Variants in DPY19L2 observed in about 807,000 individuals in gnomAD.
DPY19L2 encodes probable C-mannosyltransferase DPY19L2.
Under a neutral mutation model 97.9 loss-of-function variants are expected in DPY19L2, and 34 were observed. The ratio of observed to expected loss-of-function variants is 0.35; its 90% CI spans 0.26 to 0.46. DPY19L2 has a LOEUF of 0.46. DPY19L2 is among the 20% of genes least tolerant of loss of function. The pLI is 1.00. For missense variants in DPY19L2, 623 were observed against 911.4 expected, an observed-to-expected ratio of 0.68 and a Z score of 4.07; for synonymous variants, 230 against 307.9, an observed-to-expected ratio of 0.75 and a Z score of 2.65.
rs189656009 is a variant in DPY19L2 at position 63,573,496 on chromosome 12, G to A, written c.1901-2639C>T. Among the ~76,000 whole-genome samples, 40 of 152,192 alleles carry A rather than the reference G, an allele frequency of 2.6e-4. 1 individual carries two copies. Among genetic ancestry groups the A allele is most frequent in the Admixed American group, 7.9e-4 (12 of 15,286 alleles). ...TCTAAGAGTTATTGGCCTTAAAGAG[G>A]AGGTAGAGAGAGACAGCAGTAGGAA... On this transcript the variant is annotated intron_variant, in intron 19 of 21. Coordinates refer to ENST00000324472, the MANE Select transcript of DPY19L2 (RefSeq NM_173812.5).
At chr12:63,659,995 A>G (rs1471883652) in intron 4 of DPY19L2, among the ~76,000 whole-genome samples, 2 of 152,190 alleles carry the variant, frequency 1.3e-5, no homozygotes, top group African/African-American at 4.8e-5. Flanking sequence ...AAAACAAAAA[A>G]GCATATCACA....
intron 16 of DPY19L2, among the ~76,000 whole-genome samples, chr12:63,593,419 A>G (rs2137490347): frequency 6.6e-6 from 1 of 152,282 alleles, no homozygotes; most frequent in African/African-American, 2.4e-5. Flanking sequence ...GACTGGATTA[A>G]GAAAATGTGG....
At chr12:63,624,184 T>C (rs1265953763) in intron 7 of DPY19L2, 53 bp from the exon 8 acceptor site, 1 of 1,349,196 alleles carries the variant, frequency 7.4e-7, no homozygotes, top group Non-Finnish European at 1.1e-6. Context: ...ACAAACATAT[T>C]AAAAAACCAG....
In DPY19L2 at chr12:63,643,214, C is replaced by CT. The variant is rs1434102865; in HGVS notation, c.803+1188dup. The stretch of plus-strand genomic sequence containing the variant: ...AATCTACTTTTAAGAACACTTATTT[C>CT]TTTTTTTTCAAGTTTTCCAATCCTT... On this transcript the variant is annotated intron_variant, in intron 6 of 21. Coordinates refer to ENST00000324472, the MANE Select transcript of DPY19L2 (RefSeq NM_173812.5). Among the ~76,000 whole-genome samples the CT allele has an allele frequency of 4.0e-5, 6 of 151,376 alleles. No homozygotes were observed. The East Asian group carries it at 1.2e-3, about 29-fold the overall frequency.
chr12:63,637,786 G>A (rs902458717), intron 6 of DPY19L2, among the ~76,000 whole-genome samples: 1 of 152,048 alleles, frequency 6.6e-6, no homozygotes, highest in Non-Finnish European at 1.5e-5. Context: ...GGTACAAAGA[G>A]GAACTGGTAC....
At chr12:63,600,834 G>A (rs1885055869) in intron 12 of DPY19L2, among the ~76,000 whole-genome samples, 1 of 148,578 alleles carries the variant, frequency 6.7e-6, no homozygotes, top group Admixed American at 7.0e-5. Context: ...CCCCCAGGCC[G>A]GAGTGCAGTG....
At chr12:63,581,074 C>T (rs1592425213) in intron 18 of DPY19L2, among the ~76,000 whole-genome samples, 1 of 152,130 alleles carries the variant, frequency 6.6e-6, no homozygotes, top group South Asian at 2.1e-4. Flanking sequence ...TATACCTGAT[C>T]CTTCTAGTAC....
chr12:63,637,353 C>A (rs10083089), intron 6 of DPY19L2, among the ~76,000 whole-genome samples: 7,617 of 151,722 alleles, frequency 0.05, 563 homozygotes, highest in African/African-American at 0.17. Flanking sequence ...AAAATAGACA[C>A]CCTAACATCA....
intron 6 of DPY19L2, among the ~76,000 whole-genome samples, chr12:63,638,724 G>A (rs1052480177): frequency 5.9e-5 from 9 of 152,054 alleles, no homozygotes; most frequent in African/African-American, 2.2e-4. Context: ...AAATGGAAAA[G>A]CATACCATGC....
chr12:63,655,591 G>C (rs1045555335), intron 4 of DPY19L2, among the ~76,000 whole-genome samples: 2 of 152,100 alleles, frequency 1.3e-5, no homozygotes, highest in African/African-American at 2.4e-5. Flanking sequence ...ATATGAAACA[G>C]GCATCAAGGG....
chr12:63,588,900 C>CCTG, intron 16 of DPY19L2, among the ~76,000 whole-genome samples: 1 of 151,638 alleles, frequency 6.6e-6, no homozygotes, highest in Non-Finnish European at 1.5e-5. Flanking sequence ...ACTACAGGCG[C>CCTG]CCACCACGAT....
At chr12:63,565,631 C>A (rs1405233938) in intron 21 of DPY19L2, among the ~76,000 whole-genome samples, 2 of 152,092 alleles carry the variant, frequency 1.3e-5, no homozygotes, top group South Asian at 4.1e-4. Flanking sequence ...ACATGGCCAT[C>A]GTGGGGGGCT....
chr12:63,626,910 C>T (rs1889652604), intron 6 of DPY19L2, among the ~76,000 whole-genome samples: 5 of 152,078 alleles, frequency 3.3e-5, no homozygotes, highest in Admixed American at 2.0e-4. Flanking sequence ...TCCCAAGTAG[C>T]TCGGATTACA....
At chr12:63,623,807 C>A in intron 8 of DPY19L2, 1 of 361,692 alleles carries the variant, frequency 2.8e-6, no homozygotes, top group Admixed American at 3.7e-5. Context: ...TGGGTTCAAG[C>A]AATTCTCCTG....
intron 6 of DPY19L2, among the ~76,000 whole-genome samples, chr12:63,630,550 C>A (rs1207021276): frequency 1.3e-5 from 2 of 151,946 alleles, no homozygotes; most frequent in Non-Finnish European, 2.9e-5. Flanking sequence ...AATACAGGAG[C>A]ACCTAGATTC....
chr12:63,647,136 GT>G (rs1893520099), intron 5 of DPY19L2, 108 bp downstream of exon 5: 1 of 1,015,174 alleles, frequency 9.9e-7, no homozygotes, highest in Non-Finnish European at 1.3e-6. Context: ...CAGTTCTAAT[GT>G]TTTTTAAATC....
intron 12 of DPY19L2, among the ~76,000 whole-genome samples, chr12:63,604,558 T>C (rs563025039): frequency 1.3e-5 from 2 of 152,252 alleles, no homozygotes; most frequent in East Asian, 3.9e-4. Context: ...TCAATTTAGA[T>C]TGGGAGATTT....
intron 19 of DPY19L2, among the ~76,000 whole-genome samples, chr12:63,576,120 G>A (rs1303953977): frequency 1.3e-5 from 2 of 151,916 alleles, no homozygotes; most frequent in Non-Finnish European, 2.9e-5. Flanking sequence ...TTATCTCAGG[G>A]ATGCAAAGAT....
rs1240801596 is a variant in DPY19L2, at chr12:63,558,997, C to T, written c.*1515G>A. Reference sequence around the variant, plus strand: ...GAATATTTTATTAGCTAATACAGTACCATTTTAAAAGTTCTACCAACTTAT... The same window carrying T: ...GAATATTTTATTAGCTAATACAGTATCATTTTAAAAGTTCTACCAACTTAT... On this transcript the variant is annotated 3_prime_UTR_variant, in exon 22 of 22. Coordinates refer to ENST00000324472, the MANE Select transcript of DPY19L2 (RefSeq NM_173812.5). 6.6e-6 allele frequency: 1 copy of T among 151,998 alleles called. No homozygotes were observed. The highest frequency in any genetic ancestry group is 1.5e-5 in the Non-Finnish European group (1 of 68,004). 9.4% of individuals were successfully genotyped at this position (151,998 alleles called of 1,614,324 possible). A position where few individuals can be genotyped will look rare whatever the true frequency, so the allele number is the denominator to read the frequency against.
Sources: allele counts gnomAD v4.1 joint callset (sites outside exome capture counted in the v4.1 genomes callset), GRCh38; gene constraint gnomAD v4.1.1; transcripts MANE v1.5; gene names NCBI Gene and HGNC (gene_info 2026-07-23, HGNC 2026-07-21).